Variants in DDX60 observed in about 807,000 individuals in gnomAD.
DDX60 encodes DExD/H-box helicase 60, also known as probable ATP-dependent RNA helicase DDX60.
A neutral mutation model predicts 212.8 loss-of-function variants in DDX60; 165 were observed. That is an observed-to-expected ratio of 0.78 (90% CI 0.68 to 0.88). The LOEUF (loss-of-function observed/expected upper bound fraction) is 0.88. Among genes scored for constraint, DDX60 ranks in the 40% least tolerant of loss-of-function variants. DDX60 has a pLI of 0.00. For missense variants in DDX60, 1,905 were observed against 2,003.9 expected, an observed-to-expected ratio of 0.95 and a Z score of 0.94; for synonymous variants, 703 against 685.3, an observed-to-expected ratio of 1.03 and a Z score of -0.40.
chr4:168,255,720 T>G lies in DDX60; in HGVS notation c.3548A>C (p.Gln1183Pro), dbSNP rs1481782545. The G allele has an allele frequency of 8.2e-6, 13 of 1,588,250 alleles. No homozygotes were observed. The highest frequency in any genetic ancestry group is 1.1e-5 in the Non-Finnish European group (13 of 1,173,350). The change falls in exon 26 of 38, where the codon CAA (glutamine) becomes CCA (proline). Residue 1183 changes from glutamine to proline, a missense_variant. Transcript: ENST00000393743. ...TTAGTTAACTACTTACATGATCTTT[T>G]GTTTCTCTATGGATTTTTTAACTTT... ...LRKVKKSIEKQKIIDEKSQKK... is the reference protein window; with the variant it reads ...LRKVKKSIEKPKIIDEKSQKK...
intron 33 of DDX60, among the ~76,000 whole-genome samples, chr4:168,233,287 G>A (rs1026247238): frequency 9.9e-5 from 15 of 152,042 alleles, no homozygotes; most frequent in Admixed American, 3.3e-4. Flanking sequence ...AACCACCAGG[G>A]AAAACAGTAT....
chr4:168,274,584 C>G (rs1735248751), intron 16 of DDX60, among the ~76,000 whole-genome samples: 3 of 152,150 alleles, frequency 2.0e-5, no homozygotes, highest in Admixed American at 1.3e-4. Flanking sequence ...GAAAACAACT[C>G]AAAACCCCAA....
chr4:168,321,400 C>T (rs1488722657), upstream of DDX60, among the ~76,000 whole-genome samples: 1 of 152,126 alleles, frequency 6.6e-6, no homozygotes, highest in Non-Finnish European at 1.5e-5. Context: ...TTTGTTAATC[C>T]TGATTAATTC....
chr4:168,250,196 A>G (rs973760511), intron 28 of DDX60, among the ~76,000 whole-genome samples: 2 of 152,204 alleles, frequency 1.3e-5, no homozygotes, highest in Non-Finnish European at 2.9e-5. Context: ...ATTTCATGGT[A>G]GAAAAATTTG....
intron 6 of DDX60, among the ~76,000 whole-genome samples, chr4:168,301,001 T>C (rs1432730351): frequency 6.6e-6 from 1 of 151,988 alleles, no homozygotes; most frequent in East Asian, 1.9e-4. Context: ...GAGTACAACA[T>C]TGGGTGATGG....
chr4:168,241,237 C>A (rs1335841338), intron 30 of DDX60, among the ~76,000 whole-genome samples: 4 of 152,148 alleles, frequency 2.6e-5, no homozygotes, highest in Non-Finnish European at 4.4e-5. Flanking sequence ...TTGGGTATGT[C>A]TTTATCAGCA....
Position 168,251,327 on chromosome 4 carries a change from T to G in DDX60, c.3706-221A>C, listed in dbSNP as rs563455238. On this transcript the variant is annotated intron_variant, in intron 27 of 37. Transcript: ENST00000393743. ...ACCATCTTAAACTGTCTTACTCCAC[T>G]TCTGGGGCAGAAAATTTTGACAAAG... Among the ~76,000 whole-genome samples, 3 of 152,344 alleles carry G rather than the reference T, an allele frequency of 2.0e-5. No homozygotes were observed. In the Middle Eastern group the frequency reaches 0.01, roughly 518 times the overall value.
At chr4:168,307,870 T>C (rs975444502) in intron 4 of DDX60, 136 bp downstream of exon 4, 11 of 414,270 alleles carry the variant, frequency 2.7e-5, no homozygotes, top group Non-Finnish European at 3.6e-5. Context: ...GGTAATTTTT[T>C]CTCTTCTTTC....
intron 8 of DDX60, 72 bp downstream of exon 8, chr4:168,291,676 T>TG: frequency 7.1e-7 from 1 of 1,399,952 alleles, no homozygotes; most frequent in East Asian, 2.5e-5. Flanking sequence ...ATAAGAGAAT[T>TG]TTGAAAGTTA....
intron 33 of DDX60, among the ~76,000 whole-genome samples, chr4:168,231,670 A>G (rs576233056): frequency 6.6e-6 from 1 of 152,198 alleles, no homozygotes; most frequent in African/African-American, 2.4e-5. Context: ...GCATCCCTTT[A>G]GGATTAAAAC....
chr4:168,246,795 T>C (rs926090920), intron 29 of DDX60, among the ~76,000 whole-genome samples, 177 bp from the exon 30 acceptor site: 1 of 152,160 alleles, frequency 6.6e-6, no homozygotes, highest in Admixed American at 6.5e-5. Flanking sequence ...ATGACTGAGA[T>C]AGATCTAAAA....
intron 28 of DDX60, among the ~76,000 whole-genome samples, chr4:168,249,086 A>G (rs954002229): frequency 2.0e-5 from 3 of 151,042 alleles, no homozygotes; most frequent in African/African-American, 7.3e-5. Flanking sequence ...ATGAATAACT[A>G]GAAAGAAAAT....
In DDX60 at chr4:168,306,552, C is replaced by T; in HGVS notation, c.433G>A (p.Val145Ile). The T allele has an allele frequency of 6.2e-7, 1 of 1,614,134 alleles. No individual in the cohort carries two copies. The highest frequency in any genetic ancestry group is 8.5e-7 in the Non-Finnish European group (1 of 1,180,010). Reference sequence around the variant, plus strand: ...AGATCGTTCAGGCCTTCGTCTGCAACTATCAGGAAATATGGGTAACTCTCT... The same window carrying T: ...AGATCGTTCAGGCCTTCGTCTGCAATTATCAGGAAATATGGGTAACTCTCT... The part of the protein sequence containing the change: ...LEESYPYFLI[V>I]ADEGLNDLQT... Residue 145 changes from valine (V) to isoleucine (I), a missense_variant, in exon 5 of 38, where the codon GTT becomes ATT. Physicochemically the swap from Val to Ile is conservative, Grantham distance 29 (BLOSUM62 3). Coordinates refer to ENST00000393743, the MANE Select transcript of DDX60 (RefSeq NM_017631.6).
chr4:168,268,090 A>G (rs1274964734), intron 20 of DDX60, 107 bp from the exon 21 acceptor site: 3 of 940,054 alleles, frequency 3.2e-6, no homozygotes, highest in East Asian at 2.6e-5. Context: ...AAGTGTACTT[A>G]GGGGAATAGA....
Position 168,224,319 on chromosome 4 carries a change from C to G in DDX60, c.4748G>C (p.Arg1583Thr). 6.2e-7 allele frequency: 1 copy of G among 1,612,368 alleles called. No individual in the cohort carries two copies. The highest frequency in any genetic ancestry group is 8.5e-7 in the Non-Finnish European group (1 of 1,178,876). The change falls in exon 35 of 38, where the codon AGA (arginine) becomes ACA (threonine). Residue 1583 changes from arginine (R) to threonine (T), a missense_variant. Physicochemically the swap from Arg to Thr is moderately conservative, Grantham distance 71. Coordinates refer to ENST00000393743, the MANE Select transcript of DDX60 (RefSeq NM_017631.6). The stretch of plus-strand genomic sequence containing the variant: ...ACAAACAAATGGTGAAATTGCTACT[C>G]TTCCTTCCTTGCAGCTCATCAAATG... ...VSHLMSCKEG[R>T]VAISPFVCLS... is the part of the protein sequence containing the mutation.
intron 30 of DDX60, among the ~76,000 whole-genome samples, chr4:168,242,366 G>A (rs1040983939): frequency 3.3e-5 from 5 of 152,192 alleles, no homozygotes; most frequent in African/African-American, 4.8e-5. Context: ...CTGTGTGCCC[G>A]GAAAAGCCAC....
At chr4:168,231,309 C>T (rs972395799) in intron 33 of DDX60, among the ~76,000 whole-genome samples, 13 of 151,762 alleles carry the variant, frequency 8.6e-5, no homozygotes, top group African/African-American at 3.1e-4. Context: ...CCTACTGACA[C>T]TATTTCAAAA....
At chr4:168,278,498 T>C (rs1218648696) in intron 14 of DDX60, among the ~76,000 whole-genome samples, 1 of 152,182 alleles carries the variant, frequency 6.6e-6, no homozygotes, top group Non-Finnish European at 1.5e-5. Context: ...GTTACACAAA[T>C]TCAGGAATAG....
chr4:168,275,298 C>T (rs1735284627), intron 16 of DDX60, 47 bp downstream of exon 16: 1 of 1,515,552 alleles, frequency 6.6e-7, no homozygotes, highest in Non-Finnish European at 8.9e-7. Context: ...TCTGAGATCA[C>T]ATATAATAAG....
Sources: allele counts gnomAD v4.1 joint callset (sites outside exome capture counted in the v4.1 genomes callset), GRCh38; gene constraint gnomAD v4.1.1; transcripts MANE v1.5; gene names NCBI Gene and HGNC (gene_info 2026-07-23, HGNC 2026-07-21).